Variants in OSBPL10 observed in about 807,000 individuals in gnomAD.
The protein encoded by OSBPL10 is oxysterol binding protein like 10.
OSBPL10 carries 49 observed loss-of-function variants against 81.7 expected under a neutral mutation model. The ratio of observed to expected loss-of-function variants is 0.60; its 90% CI spans 0.48 to 0.76. The LOEUF is 0.76. OSBPL10 is among the 30% of genes least tolerant of loss of function. OSBPL10 has a pLI of 0.00. For missense variants in OSBPL10, 923 were observed against 987.8 expected, an observed-to-expected ratio of 0.93 and a Z score of 0.88; for synonymous variants, 419 against 383.6, an observed-to-expected ratio of 1.09 and a Z score of -1.08.
intron 2 of OSBPL10, among the ~76,000 whole-genome samples, chr3:31,878,024 G>A (rs1701521361): frequency 6.6e-6 from 1 of 152,106 alleles, no homozygotes; most frequent in African/African-American, 2.4e-5. Context: ...GTTGCTTGTG[G>A]GACGGGCTAA....
intron 1 of OSBPL10, among the ~76,000 whole-genome samples, chr3:31,932,870 A>C (rs1044766770): frequency 2.0e-5 from 3 of 152,154 alleles, no homozygotes; most frequent in Non-Finnish European, 4.4e-5. Flanking sequence ...CTAACCTTTT[A>C]AGATGGTAGA....
chr3:31,757,067 C>T (rs948776955), intron 4 of OSBPL10, among the ~76,000 whole-genome samples: 3 of 152,036 alleles, frequency 2.0e-5, no homozygotes, highest in African/African-American at 7.2e-5. Context: ...TCCTATGCAG[C>T]TTATTTTTGT....
intron 3 of OSBPL10, among the ~76,000 whole-genome samples, chr3:31,850,029 G>A (rs1700723579): frequency 6.6e-6 from 1 of 152,164 alleles, no homozygotes; most frequent in Non-Finnish European, 1.5e-5. Context: ...GCTGGGTGTG[G>A]TGGTGCATTC....
chr3:31,782,063 C>T (rs192572542), intron 4 of OSBPL10, among the ~76,000 whole-genome samples: 3 of 152,202 alleles, frequency 2.0e-5, no homozygotes, highest in Middle Eastern at 3.4e-3. Flanking sequence ...TACTACAAGG[C>T]GACAGGTACC....
intron 3 of OSBPL10, among the ~76,000 whole-genome samples, chr3:31,855,178 C>T (rs191387915): frequency 6.8e-6 from 1 of 145,996 alleles, no homozygotes; most frequent in Admixed American, 6.8e-5. Flanking sequence ...GCATGTGCCA[C>T]CCTGGCTAAT....
intron 3 of OSBPL10, among the ~76,000 whole-genome samples, chr3:31,870,001 C>T (rs1449102989): frequency 6.6e-6 from 1 of 152,262 alleles, no homozygotes; most frequent in Non-Finnish European, 1.5e-5. Flanking sequence ...CCTCCTCTGC[C>T]TGGGCTCCCA....
At chr3:32,058,352 A>G (rs999199987) in intron 1 of OSBPL10, among the ~76,000 whole-genome samples, 2 of 152,052 alleles carry the variant, frequency 1.3e-5, no homozygotes, top group Non-Finnish European at 2.9e-5. Flanking sequence ...TTTTTTTGAG[A>G]CAGAGTTTTG....
intron 1 of OSBPL10, among the ~76,000 whole-genome samples, chr3:32,051,068 G>C (rs978819665): frequency 2.6e-5 from 4 of 152,060 alleles, no homozygotes; most frequent in African/African-American, 7.2e-5. Context: ...TCTCTTCTTG[G>C]CTCTTGTTTT....
chr3:31,835,077 G>C (rs976227137), intron 3 of OSBPL10, among the ~76,000 whole-genome samples: 1 of 152,132 alleles, frequency 6.6e-6, no homozygotes, highest in Non-Finnish European at 1.5e-5. Context: ...TTGTTAAGTG[G>C]TTCCTGAATG....
intron 3 of OSBPL10, among the ~76,000 whole-genome samples, chr3:31,866,041 A>T (rs762388052): frequency 3.7e-4 from 56 of 152,146 alleles, no homozygotes; most frequent in Non-Finnish European, 5.4e-4. Context: ...TCCTAACCAA[A>T]ATATCAAAGC....
intron 4 of OSBPL10, among the ~76,000 whole-genome samples, chr3:31,826,607 T>C (rs999079865): frequency 6.6e-6 from 1 of 152,232 alleles, no homozygotes; most frequent in Non-Finnish European, 1.5e-5. Context: ...TTTTCTCCAT[T>C]GCTTCTGTGG....
intron 4 of OSBPL10, among the ~76,000 whole-genome samples, chr3:31,792,767 G>A (rs911935962): frequency 2.2e-5 from 3 of 137,004 alleles, no homozygotes; most frequent in African/African-American, 9.6e-5. Context: ...GTGTGTGTGT[G>A]TGTGTGTGTA....
Position 32,062,865 on chromosome 3 carries a change from T to C in OSBPL10, n.185+14531A>G, listed in dbSNP as rs1002117276. Among the ~76,000 whole-genome samples the C allele has an allele frequency of 3.2e-5, 3 of 95,022 alleles. 1 individual carries two copies. The highest frequency in any genetic ancestry group is 8.1e-5 in the African/African-American group (3 of 36,880). 62.3% of individuals were successfully genotyped at this position (95,022 alleles called of 152,430 possible). A position where few individuals can be genotyped will look rare whatever the true frequency, so the allele number is the denominator to read the frequency against. On this transcript the variant is annotated intron_variant and non_coding_transcript_variant, in intron 1 of 3. Coordinates refer to the OSBPL10 transcript ENST00000479173. The stretch of plus-strand genomic sequence containing the variant: ...AAAAATAAAAGCCATTCCTGCTATT[T>C]TTAAAGCTGTTTCAGAGGTACGCAA...
chr3:32,003,042 G>A (rs1286816081), intron 2 of OSBPL10, among the ~76,000 whole-genome samples: 1 of 152,220 alleles, frequency 6.6e-6, no homozygotes, highest in Non-Finnish European at 1.5e-5. Context: ...GCAGAAGCTG[G>A]CCGAACGAAA....
Position 32,039,774 on chromosome 3 carries a change from A to G in OSBPL10, n.298+6717T>C, listed in dbSNP as rs1340609131. ...TACTCATGTTTGTGTTATGTATTCT[A>G]TAACTGGAGAAATAGATCATTTCCA... On this transcript the variant is annotated intron_variant and non_coding_transcript_variant, in intron 2 of 3. Coordinates refer to the OSBPL10 transcript ENST00000479173. Among the ~76,000 whole-genome samples the G allele has an allele frequency of 2.0e-5, 3 of 152,330 alleles. No homozygotes were observed. In the East Asian group the frequency reaches 5.8e-4, roughly 29 times the overall value.
At chr3:31,718,839 T>C (rs1482851456) in intron 6 of OSBPL10, 2 of 152,108 alleles carry the variant, frequency 1.3e-5, no homozygotes, top group Non-Finnish European at 2.9e-5. Context: ...GGACGGAAGG[T>C]CCAAATCAGA....
At chr3:31,811,208 G>A (rs1443575515) in intron 4 of OSBPL10, among the ~76,000 whole-genome samples, 3 of 152,114 alleles carry the variant, frequency 2.0e-5, no homozygotes, top group Non-Finnish European at 4.4e-5. Flanking sequence ...GGATGCTGGG[G>A]GTGGGCAAGG....
chr3:31,704,264 C>T (rs914498988), intron 6 of OSBPL10: 1 of 152,384 alleles, frequency 6.6e-6, no homozygotes, highest in African/African-American at 2.4e-5. Flanking sequence ...GGGTGGCTGT[C>T]TCAGCTCCCT....
At chr3:31,973,977 A>G (rs1698630480) in intron 1 of OSBPL10, among the ~76,000 whole-genome samples, 1 of 152,250 alleles carries the variant, frequency 6.6e-6, no homozygotes, top group South Asian at 2.1e-4. Context: ...TCCACAGGAC[A>G]TAATGCCTGC....
Sources: gnomAD v4.1 joint callset for allele counts (sites outside exome capture counted in the v4.1 genomes callset) on GRCh38, gnomAD v4.1.1 for gene constraint, MANE v1.5 for transcripts, NCBI Gene and HGNC (gene_info 2026-07-23, HGNC 2026-07-21) for gene names.